Variants in FAM222A observed in about 807,000 individuals in gnomAD.
FAM222A encodes the protein family with sequence similarity 222 member A.
In FAM222A, 7 loss-of-function variants were observed where a neutral mutation model predicts 25.8. The ratio of observed to expected loss-of-function variants is 0.27; its 90% CI spans 0.15 to 0.51. The LOEUF is 0.51. FAM222A is among the 20% of genes least tolerant of loss of function. FAM222A has a pLI of 0.97. For synonymous variants in FAM222A, 294 were observed against 298.8 expected (o/e 0.98, Z 0.17); for missense variants, 573 against 640.5 (o/e 0.89, Z 1.14).
At chr12:109,763,573 T>C (rs550104142) in intron 2 of FAM222A, among the ~76,000 whole-genome samples, 3 of 152,348 alleles carry the variant, frequency 2.0e-5, no homozygotes, top group African/African-American at 7.2e-5. Context: ...TACATGGGCC[T>C]CTTTCTCCAT....
At chr12:109,719,097 T>A (rs1887702131) in intron 1 of FAM222A, among the ~76,000 whole-genome samples, 1 of 152,196 alleles carries the variant, frequency 6.6e-6, no homozygotes, top group Non-Finnish European at 1.5e-5. Context: ...GCAGCCACCA[T>A]CTGGGTCTCT....
chr12:109,721,849 C>G (rs923156158), intron 1 of FAM222A, among the ~76,000 whole-genome samples: 5 of 152,174 alleles, frequency 3.3e-5, no homozygotes, highest in Non-Finnish European at 7.3e-5. Flanking sequence ...GGCACTCTCT[C>G]GTTCATCATT....
rs137925784 is a variant in FAM222A, at chr12:109,716,832, A to T, written c.-47+1935A>T. On this transcript the variant is annotated intron_variant, in intron 1 of 2. Transcript: ENST00000538780. ...CTCAGCGTGCCAGACGATGAGCAGG[A>T]GGGAGTGCCAGCTTTCTCAGCATCT... Among the ~76,000 whole-genome samples the T allele has an allele frequency of 2.0e-4, 31 of 152,336 alleles. 1 individual carries two copies. In the East Asian group the frequency reaches 6.0e-3, roughly 29 times the overall value.
At chr12:109,740,592 G>C (rs1177391336) in intron 1 of FAM222A, among the ~76,000 whole-genome samples, 2 of 152,154 alleles carry the variant, frequency 1.3e-5, no homozygotes, top group African/African-American at 2.4e-5. Context: ...GAGTGTTTTA[G>C]GCACATGCCC....
intron 2 of FAM222A, among the ~76,000 whole-genome samples, chr12:109,751,583 A>G (rs1469030065): frequency 2.0e-5 from 3 of 152,212 alleles, no homozygotes. Flanking sequence ...ATTTCCATAC[A>G]ACCCAGAGTT....
chr12:109,746,988 A>G (rs1371064891), intron 2 of FAM222A, among the ~76,000 whole-genome samples: 2 of 152,232 alleles, frequency 1.3e-5, no homozygotes, highest in Non-Finnish European at 2.9e-5. Flanking sequence ...CCCAAATCAC[A>G]AAATCTGAAA....
At chr12:109,758,109 G>A (rs958813385) in intron 2 of FAM222A, among the ~76,000 whole-genome samples, 12 of 152,344 alleles carry the variant, frequency 7.9e-5, no homozygotes, top group South Asian at 4.1e-4. Flanking sequence ...TGGAAGGTGC[G>A]TGTGGATAAA....
intron 2 of FAM222A, among the ~76,000 whole-genome samples, chr12:109,760,270 G>A (rs1264325909): frequency 6.6e-6 from 1 of 152,190 alleles, no homozygotes; most frequent in Non-Finnish European, 1.5e-5. Flanking sequence ...AACACATACA[G>A]ACCCGGAGAG....
At chr12:109,727,648 G>A (rs1245777992) in intron 1 of FAM222A, among the ~76,000 whole-genome samples, 3 of 152,192 alleles carry the variant, frequency 2.0e-5, no homozygotes, top group African/African-American at 2.4e-5. Context: ...AACTTGCCAC[G>A]CTGGCACGTG....
intron 1 of FAM222A, among the ~76,000 whole-genome samples, chr12:109,732,754 A>G (rs1393878443): frequency 6.6e-6 from 1 of 152,232 alleles, no homozygotes; most frequent in African/African-American, 2.4e-5. Context: ...ACACACACAC[A>G]TACATTCCAC....
Position 109,769,545 on chromosome 12 carries a change from C to T in FAM222A, c.*257C>T. The T allele has an allele frequency of 1.9e-6, 1 of 532,000 alleles. No homozygotes were observed. Among genetic ancestry groups the T allele is most frequent in the East Asian group, 3.1e-5 (1 of 32,676 alleles). The allele number at this position is 532,000 out of a possible 1,614,324, so 33.0% of individuals were successfully genotyped here. ...TGGGGGCAGCCACTGACGCCCATGC[C>T]TTCCTTTATCTAAGCTGGCAGAGGC... On this transcript the variant is annotated 3_prime_UTR_variant, in exon 3 of 3. Coordinates refer to ENST00000538780, the MANE Select transcript of FAM222A (RefSeq NM_032829.3).
rs939623480 is a variant in FAM222A at position 109,755,397 on chromosome 12, C to T, written c.82+11169C>T. On this transcript the variant is annotated intron_variant, in intron 2 of 2. Transcript: ENST00000538780. ...GCGCAATCTCGGCTCACCGCAATCT[C>T]GGCTCACCGCAACCTCTGCCTCCCG... 4.1e-5 allele frequency among the ~76,000 whole-genome samples: 6 copies of T among 145,966 alleles called. No homozygotes were observed. In the East Asian group the frequency reaches 6.7e-4, roughly 16 times the overall value.
At chr12:109,734,817 G>A (rs11609432) in intron 1 of FAM222A, 27,677 of 152,134 alleles carry the variant, frequency 0.18, 2,725 homozygotes, top group Middle Eastern at 0.28. Flanking sequence ...GGAGCTCCCT[G>A]ACCATAGGAG....
chr12:109,718,486 C>T (rs1484718444), intron 1 of FAM222A, among the ~76,000 whole-genome samples: 1 of 152,204 alleles, frequency 6.6e-6, no homozygotes, highest in East Asian at 1.9e-4. Context: ...GGCGGCGATT[C>T]CTCTGGGCTC....
At chr12:109,741,208 G>A (rs1180677367) in intron 1 of FAM222A, among the ~76,000 whole-genome samples, 1 of 152,174 alleles carries the variant, frequency 6.6e-6, no homozygotes, top group Non-Finnish European at 1.5e-5. Context: ...GCCCCCAGTG[G>A]CAGGACACAG....
intron 1 of FAM222A, among the ~76,000 whole-genome samples, chr12:109,720,971 G>C (rs892334564): frequency 6.6e-6 from 1 of 152,220 alleles, no homozygotes; most frequent in Non-Finnish European, 1.5e-5. Flanking sequence ...GAGTAGCCAG[G>C]GAGGGCTCCC....
chr12:109,744,324 A>G (rs567015654), intron 2 of FAM222A, 96 bp downstream of exon 2: 32 of 1,484,954 alleles, frequency 2.2e-5, no homozygotes, highest in Admixed American at 2.1e-5. Flanking sequence ...CCCTGTCGGA[A>G]AGTCTCTATG....
chr12:109,767,509 A>G (rs79636247), intron 2 of FAM222A, among the ~76,000 whole-genome samples: 5,064 of 152,276 alleles, frequency 0.033, 278 homozygotes, highest in African/African-American at 0.11. Flanking sequence ...AAGAACAGAA[A>G]CGATGAATAG....
At position 109,761,903 on chromosome 12, in the gene FAM222A, G is replaced by A. The variant is rs534443722; in HGVS notation, c.83-6109G>A. Among the ~76,000 whole-genome samples the A allele has an allele frequency of 8.0e-4, 121 of 152,172 alleles. 1 individual carries two copies. Among genetic ancestry groups the A allele is most frequent in the African/African-American group, 2.6e-3 (107 of 41,514 alleles). On this transcript the variant is annotated intron_variant, in intron 2 of 2. Coordinates refer to ENST00000538780, the MANE Select transcript of FAM222A (RefSeq NM_032829.3). ...CCTGGCAGTGGCCCTGAAGCCTGCCGGTTTGCAGTGCACTCCCACCTCTCC... is the reference window on the plus strand; with the variant it reads ...CCTGGCAGTGGCCCTGAAGCCTGCCAGTTTGCAGTGCACTCCCACCTCTCC...
Sources: allele counts gnomAD v4.1 joint callset (sites outside exome capture counted in the v4.1 genomes callset), GRCh38; gene constraint gnomAD v4.1.1; transcripts MANE v1.5; gene names NCBI Gene and HGNC (gene_info 2026-07-23, HGNC 2026-07-21).